The following MROH9 variants were observed in gnomAD, a reference collection of about 807,000 sequenced individuals.
The protein encoded by MROH9 is maestro heat like repeat family member 9.
In MROH9, 92 loss-of-function variants were observed where a neutral mutation model predicts 98.2. The ratio of observed to expected loss-of-function variants is 0.94; its 90% confidence interval spans 0.79 to 1.11. The LOEUF is 1.11. MROH9 is among the 50% of genes most tolerant of loss of function. The pLI is 0.00. For synonymous variants in MROH9, 397 were observed against 368.9 expected (o/e 1.08, Z -0.87); for missense variants, 1,057 against 1,014.8 (o/e 1.04, Z -0.57).
intron 9 of MROH9, among the ~76,000 whole-genome samples, chr1:170,985,338 C>A (rs972807790): frequency 6.6e-6 from 1 of 152,094 alleles, no homozygotes; most frequent in Non-Finnish European, 1.5e-5. Flanking sequence ...AACATTCAAG[C>A]AAGCGGCATC....
chr1:171,053,605 C>T (rs1008577992), intron 20 of MROH9, among the ~76,000 whole-genome samples: 2 of 151,992 alleles, frequency 1.3e-5, no homozygotes, highest in Non-Finnish European at 2.9e-5. Context: ...TTTTTAATTA[C>T]AAGAGAAAAC....
At chr1:170,989,823 A>G in intron 10 of MROH9, 32 bp from the exon 11 acceptor site, 4 of 1,572,086 alleles carry the variant, frequency 2.5e-6, no homozygotes, top group Non-Finnish European at 3.5e-6. Flanking sequence ...GGAACAGGAG[A>G]TTCTTGTTTA....
intron 1 of MROH9, among the ~76,000 whole-genome samples, chr1:170,937,588 C>T (rs1030060504): frequency 3.9e-4 from 53 of 135,892 alleles, no homozygotes; most frequent in African/African-American, 1.4e-3. Context: ...GTGGCGGGAT[C>T]TCGGCTCACT....
chr1:170,964,019 A>T (rs371503011), intron 6 of MROH9, among the ~76,000 whole-genome samples: 4 of 152,204 alleles, frequency 2.6e-5, no homozygotes, highest in African/African-American at 9.6e-5. Flanking sequence ...CTGCCCATGC[A>T]TGCTCTTTTA....
chr1:170,992,046 C>A, intron 11 of MROH9, 118 bp from the exon 12 acceptor site: 1 of 1,003,922 alleles, frequency 1.0e-6, no homozygotes, highest in Non-Finnish European at 1.4e-6. Context: ...GACATGTCTG[C>A]AGTGTCTTTG....
intron 2 of MROH9, among the ~76,000 whole-genome samples, chr1:170,946,807 CAATTT>C (rs959575322): frequency 2.8e-4 from 42 of 152,038 alleles, no homozygotes; most frequent in African/African-American, 9.2e-4. Context: ...TTTCATAAGG[CAATTT>C]TATCAATCAT....
intron 16 of MROH9, among the ~76,000 whole-genome samples, chr1:171,015,309 A>C (rs1217945870): frequency 6.6e-6 from 1 of 152,144 alleles, no homozygotes; most frequent in Non-Finnish European, 1.5e-5. Flanking sequence ...CTTTACCCAG[A>C]GCTCTTCCCA....
chr1:170,938,005 A>G (rs904991199), intron 1 of MROH9, among the ~76,000 whole-genome samples: 1 of 152,170 alleles, frequency 6.6e-6, no homozygotes, highest in Non-Finnish European at 1.5e-5. Context: ...CACAGGACAC[A>G]GTAATACTAA....
rs1553219573 is a variant in MROH9 at position 171,024,301 on chromosome 1, G to GT, written c.1909-94_1909-93insT. 1,221 of 718,218 alleles carry GT rather than the reference G, an allele frequency of 1.7e-3. 5 individuals are homozygous for GT. Among genetic ancestry groups the GT allele is most frequent in the Middle Eastern group, 0.014 (48 of 3,524 alleles). The allele number at this position is 718,218 out of a possible 1,614,324, so 44.5% of individuals were successfully genotyped here. On this transcript the variant is annotated intron_variant, in intron 17 of 21. Coordinates refer to ENST00000367759, the MANE Select transcript of MROH9 (RefSeq NM_001163629.2). ...ATATACATATATAGTATATTTATAT[G>GT]GGGTGTGTGTGTGTGTGTGTGTGTG...
chr1:170,999,112 G>T (rs371714079), intron 15 of MROH9, among the ~76,000 whole-genome samples: 1 of 151,802 alleles, frequency 6.6e-6, no homozygotes, highest in Non-Finnish European at 1.5e-5. Context: ...TTCTTTGCCC[G>T]GTGTCTATTC....
intron 15 of MROH9, among the ~76,000 whole-genome samples, chr1:170,999,669 T>A (rs1651719789): frequency 6.6e-6 from 1 of 152,174 alleles, no homozygotes; most frequent in Non-Finnish European, 1.5e-5. Context: ...GAATAATGTC[T>A]TATTTTCCTC....
At chr1:170,956,274 G>A (rs987368487) in intron 3 of MROH9, among the ~76,000 whole-genome samples, 7 of 151,994 alleles carry the variant, frequency 4.6e-5, no homozygotes, top group Non-Finnish European at 8.8e-5. Flanking sequence ...TGTTCTTTTT[G>A]CTTAGCCTTG....
rs1034770798 is a variant in MROH9 at position 170,971,986 on chromosome 1, C to T, written c.616+103C>T. On this transcript the variant is annotated intron_variant, in intron 8 of 21. Transcript: ENST00000367759. ...GCTCTACGTCTGTTAATTTCTAAAT[C>T]CTGCCCCAAGAGTCATGGCTATACT... is the stretch of plus-strand genomic sequence containing the variant. 58 of 1,245,388 alleles carry T rather than the reference C, an allele frequency of 4.7e-5. No individual in the cohort carries two copies. The African/African-American group carries it at 8.3e-4, about 18-fold the overall frequency. 77.1% of individuals were successfully genotyped at this position (1,245,388 alleles called of 1,614,324 possible). A position where few individuals can be genotyped will look rare whatever the true frequency, so the allele number is the denominator to read the frequency against.
At chr1:171,040,270 T>C (rs1653254890) in intron 20 of MROH9, among the ~76,000 whole-genome samples, 1 of 152,120 alleles carries the variant, frequency 6.6e-6, no homozygotes, top group Admixed American at 6.6e-5. Flanking sequence ...GTTGCAGTTA[T>C]GTAAGATAAA....
Position 171,064,371 on chromosome 1 carries a change from A to G in MROH9, c.*31A>G. 1.8e-5 allele frequency: 27 copies of G among 1,496,686 alleles called. No homozygotes were observed. Among genetic ancestry groups the G allele is most frequent in the Non-Finnish European group, 2.3e-5 (26 of 1,126,652 alleles). 92.7% of individuals were successfully genotyped at this position (1,496,686 alleles called of 1,614,324 possible). ...AATGATGATGACATTCATCATTCAT[A>G]AACAATGGGAAGTCCAACAATGTCT... On this transcript the variant is annotated 3_prime_UTR_variant, in exon 22 of 22. Transcript: ENST00000367759.
At chr1:171,039,866 T>C (rs1571160422) in intron 20 of MROH9, among the ~76,000 whole-genome samples, 1 of 152,104 alleles carries the variant, frequency 6.6e-6, no homozygotes, top group African/African-American at 2.4e-5. Flanking sequence ...AAGCCCATGC[T>C]CCACCTGCCA....
At chr1:171,032,818 C>T (rs1462063745) in intron 20 of MROH9, among the ~76,000 whole-genome samples, 1 of 152,212 alleles carries the variant, frequency 6.6e-6, no homozygotes, top group Non-Finnish European at 1.5e-5. Context: ...GGGTGTGCCA[C>T]ACCAGGCGGG....
Position 170,989,763 on chromosome 1 carries a change from A to G in MROH9, c.880-92A>G, listed in dbSNP as rs1160529857. ...TAGTTGCTGCTTTGGTAATTCTGAG[A>G]AAAAGTGAATTCTTATGTCCAAGAA... On this transcript the variant is annotated intron_variant, in intron 10 of 21. Transcript: ENST00000367759. 36 of 1,225,266 alleles carry G rather than the reference A, an allele frequency of 2.9e-5. No individual in the cohort carries two copies. The Admixed American group carries it at 7.7e-4, about 26-fold the overall frequency. 75.9% of individuals were successfully genotyped at this position (1,225,266 alleles called of 1,614,324 possible). A position where few individuals can be genotyped will look rare whatever the true frequency, so the allele number is the denominator to read the frequency against.
At chr1:170,969,760 G>A (rs780166711) in intron 7 of MROH9, among the ~76,000 whole-genome samples, 3 of 152,162 alleles carry the variant, frequency 2.0e-5, no homozygotes, top group Non-Finnish European at 4.4e-5. Flanking sequence ...CTTAGGTTTA[G>A]GAGTGAATAC....
Sources: gnomAD v4.1 joint callset for allele counts (sites outside exome capture counted in the v4.1 genomes callset) on GRCh38, gnomAD v4.1.1 for gene constraint, MANE v1.5 for transcripts, NCBI Gene and HGNC (gene_info 2026-07-23, HGNC 2026-07-21) for gene names.